PCDH15: variants seen among roughly 807,000 people sequenced by gnomAD.
The protein encoded by PCDH15 is protocadherin-15.
In PCDH15, 129 loss-of-function variants were observed where a neutral mutation model predicts 178.5. The ratio of observed to expected loss-of-function variants is 0.72; its 90% CI spans 0.63 to 0.84. The LOEUF (loss-of-function observed/expected upper bound fraction) is 0.84, where lower values mean the gene tolerates loss of function less well. Among genes scored for constraint, PCDH15 ranks in the 40% least tolerant of loss-of-function variants. PCDH15 has a pLI of 0.00. For synonymous variants in PCDH15, 800 were observed against 732.0 expected (o/e 1.09, Z -1.50); for missense variants, 2,230 against 2,099.9 (o/e 1.06, Z -1.21).
intron 3 of PCDH15, among the ~76,000 whole-genome samples, chr10:54,383,303 A>G (rs1949463169): frequency 6.6e-6 from 1 of 152,166 alleles, no homozygotes; most frequent in East Asian, 1.9e-4. Flanking sequence ...CAGTTTATTC[A>G]CAGTAACCGT....
At chr10:54,546,997 T>C (rs917455049) in intron 2 of PCDH15, among the ~76,000 whole-genome samples, 8 of 152,180 alleles carry the variant, frequency 5.3e-5, no homozygotes, top group Non-Finnish European at 1.2e-4. Flanking sequence ...GGGAAAGCTG[T>C]AGGCAGGAGC....
At chr10:55,187,664 C>T (rs1053165942) in intron 1 of PCDH15, among the ~76,000 whole-genome samples, 12 of 151,904 alleles carry the variant, frequency 7.9e-5, no homozygotes, top group Non-Finnish European at 2.9e-5. Flanking sequence ...CCAAAGCTGG[C>T]TCATGGGCTG....
intron 2 of PCDH15, among the ~76,000 whole-genome samples, chr10:55,589,530 T>G (rs1474082218): frequency 6.6e-6 from 1 of 151,822 alleles, no homozygotes; most frequent in African/African-American, 2.4e-5. Context: ...ACAGGCAACC[T>G]ACACAATGGG....
chr10:55,205,411 T>C (rs1017033613), intron 1 of PCDH15, among the ~76,000 whole-genome samples: 1 of 151,986 alleles, frequency 6.6e-6, no homozygotes, highest in Non-Finnish European at 1.5e-5. Context: ...GTAGGACATA[T>C]AATTATGTAT....
intron 2 of PCDH15, among the ~76,000 whole-genome samples, chr10:54,632,824 A>G (rs552751421): frequency 6.6e-6 from 1 of 152,236 alleles, no homozygotes; most frequent in East Asian, 1.9e-4. Context: ...CTCTAAAGTC[A>G]GACCTGAATA....
chr10:54,384,168 A>C (rs188688703), intron 3 of PCDH15, among the ~76,000 whole-genome samples: 1 of 151,994 alleles, frequency 6.6e-6, no homozygotes. Flanking sequence ...TGAAAGATTG[A>C]TTTGAAAAGA....
At chr10:53,973,623 C>G (rs1310866247) in intron 21 of PCDH15, among the ~76,000 whole-genome samples, 1 of 152,096 alleles carries the variant, frequency 6.6e-6, no homozygotes. Context: ...GTTCCGTACT[C>G]TCATCAACCA....
At chr10:54,404,645 C>T (rs1425593715) in intron 3 of PCDH15, among the ~76,000 whole-genome samples, 2 of 152,048 alleles carry the variant, frequency 1.3e-5, no homozygotes, top group African/African-American at 4.8e-5. Flanking sequence ...TAGAATTTGA[C>T]AAACGGGATC....
chr10:53,948,432 A>G (rs554050705), intron 23 of PCDH15, among the ~76,000 whole-genome samples: 1 of 152,252 alleles, frequency 6.6e-6, no homozygotes, highest in Admixed American at 6.5e-5. Context: ...ATTGCCAGAT[A>G]TACATTTTCT....
chr10:54,702,736 G>A (rs906775129), intron 1 of PCDH15, among the ~76,000 whole-genome samples: 1 of 151,828 alleles, frequency 6.6e-6, no homozygotes, highest in Non-Finnish European at 1.5e-5. Context: ...ACCAGCAAAA[G>A]GCTTGGACCA....
At chr10:54,071,476 A>AT (rs573263522) in intron 17 of PCDH15, among the ~76,000 whole-genome samples, 10 of 152,102 alleles carry the variant, frequency 6.6e-5, no homozygotes, top group African/African-American at 2.2e-4. Context: ...AAAAAAATGC[A>AT]TTTTTTTATC....
At chr10:55,508,490 G>A (rs747679340) in intron 2 of PCDH15, among the ~76,000 whole-genome samples, 28 of 151,758 alleles carry the variant, frequency 1.8e-4, no homozygotes, top group Non-Finnish European at 4.0e-4. Flanking sequence ...GTTAGATCAC[G>A]TCAGTGTGTT....
chr10:54,140,747 A>G (rs955841742), intron 14 of PCDH15, among the ~76,000 whole-genome samples: 3 of 151,580 alleles, frequency 2.0e-5, no homozygotes, highest in Non-Finnish European at 4.4e-5. Flanking sequence ...CAGTGGCACA[A>G]TCTTGGCTCA....
intron 3 of PCDH15, among the ~76,000 whole-genome samples, chr10:54,422,323 T>C (rs1955630481): frequency 6.6e-6 from 1 of 152,106 alleles, no homozygotes; most frequent in South Asian, 2.1e-4. Flanking sequence ...ATCTGTAAAA[T>C]GGAATTATAG....
At chr10:54,116,350 G>A (rs974373461) in intron 15 of PCDH15, among the ~76,000 whole-genome samples, 2 of 152,016 alleles carry the variant, frequency 1.3e-5, no homozygotes, top group African/African-American at 4.8e-5. Flanking sequence ...CTTCAGGCCA[G>A]TATAAACAAT....
chr10:54,576,705 G>T (rs4520501), intron 2 of PCDH15, among the ~76,000 whole-genome samples: 142,292 of 152,026 alleles, frequency 0.94, 66,867 homozygotes, highest in Middle Eastern at 0.98. Context: ...CAGATAAAAC[G>T]TTGGACACTG....
intron 2 of PCDH15, among the ~76,000 whole-genome samples, chr10:55,359,720 G>GTATATATATA (rs57949952): frequency 2.0e-3 from 226 of 112,798 alleles, no homozygotes; most frequent in Admixed American, 7.7e-3. Context: ...AAAATGTGGT[G>GTATATATATA]TATATATATA....
chr10:54,400,338 G>A (rs1050213422), intron 3 of PCDH15, among the ~76,000 whole-genome samples: 5 of 152,024 alleles, frequency 3.3e-5, no homozygotes, highest in Non-Finnish European at 5.9e-5. Flanking sequence ...AAATCATGAA[G>A]GTGGATAAAA....
At chr10:54,499,704 G>A (rs1034032237) in intron 3 of PCDH15, among the ~76,000 whole-genome samples, 1 of 152,062 alleles carries the variant, frequency 6.6e-6, no homozygotes, top group African/African-American at 2.4e-5. Flanking sequence ...AGGACTACAT[G>A]CATCAATCAA....
Sources: gnomAD v4.1 joint callset for allele counts (sites outside exome capture counted in the v4.1 genomes callset) on GRCh38, gnomAD v4.1.1 for gene constraint, MANE v1.5 for transcripts, NCBI Gene and HGNC (gene_info 2026-07-23, HGNC 2026-07-21) for gene names.